Variants in DDX60L observed in about 807,000 individuals in gnomAD.
DDX60L encodes the protein DExD/H-box 60 like.
A neutral mutation model predicts 211.6 loss-of-function variants in DDX60L; 191 were observed. The observed-to-expected ratio is 0.90, with a 90% CI of 0.80 to 1.02. The LOEUF is 1.02. Ranked by LOEUF, DDX60L falls within the 50% of genes least tolerant of loss-of-function variation. The pLI is 0.00. For synonymous variants in DDX60L, 706 were observed against 694.1 expected (o/e 1.02, Z -0.27); for missense variants, 2,007 against 1,984.1 (o/e 1.01, Z -0.22).
chr4:168,404,431 C>A (rs1021314048), intron 24 of DDX60L, among the ~76,000 whole-genome samples: 7 of 152,088 alleles, frequency 4.6e-5, no homozygotes, highest in African/African-American at 1.7e-4. Context: ...AGGGTTTCTC[C>A]AGTTATTATA....
At chr4:168,371,051 A>G (rs1193141597) in intron 36 of DDX60L, among the ~76,000 whole-genome samples, 4 of 138,594 alleles carry the variant, frequency 2.9e-5, no homozygotes, top group African/African-American at 1.1e-4. Flanking sequence ...TGGGAAAAAA[A>G]TAAATATTAA....
At chr4:168,431,718 T>G (rs1752385849) in intron 12 of DDX60L, among the ~76,000 whole-genome samples, 1 of 151,686 alleles carries the variant, frequency 6.6e-6, no homozygotes, top group African/African-American at 2.4e-5. Context: ...TAAAATAAAA[T>G]AAAAAGAAAA....
rs78150696 is a variant in DDX60L, at chr4:168,362,291, A to G, written c.4929-1080T>C. On this transcript the variant is annotated intron_variant, in intron 36 of 37. Transcript: ENST00000682922. The stretch of plus-strand genomic sequence containing the variant: ...CACACAGCCAGCAGTCCCACTACAC[A>G]TGCACTTGGCCCAATATCCAGTTCA... 1.6e-4 allele frequency among the ~76,000 whole-genome samples: 24 copies of G among 152,246 alleles called. No individual in the cohort carries two copies. The East Asian group carries it at 4.4e-3, about 28-fold the overall frequency.
intron 7 of DDX60L, among the ~76,000 whole-genome samples, chr4:168,455,006 C>T (rs907557641): frequency 1.3e-5 from 2 of 151,658 alleles, no homozygotes; most frequent in Admixed American, 1.3e-4. Flanking sequence ...GGGTAGATAT[C>T]ATGTCTATTT....
At position 168,378,430 on chromosome 4, in the gene DDX60L, A is replaced by T. The variant is rs1156641262; in HGVS notation, c.4409T>A (p.Val1470Glu). 1.3e-6 allele frequency: 2 copies of T among 1,576,114 alleles called. No homozygotes were observed. The highest frequency in any genetic ancestry group is 2.7e-5 in the African/African-American group (2 of 74,148). ...TTTTCTTCCAAACAAATTTGCCAAT[A>T]CTAACACGAGCTTTTCCATCACATC... ...SQDVMEKLVL[V>E]LANLFGRKYI... The change falls in exon 33 of 38, where the codon GTA (valine) becomes GAA (glutamate). Residue 1470 changes from valine (V) to glutamate (E), a missense_variant. Coordinates refer to ENST00000682922, the MANE Select transcript of DDX60L (RefSeq NM_001012967.3).
chr4:168,366,892 C>T (rs566348634), intron 36 of DDX60L, among the ~76,000 whole-genome samples: 5 of 151,610 alleles, frequency 3.3e-5, no homozygotes, highest in African/African-American at 7.3e-5. Flanking sequence ...AGAACACACA[C>T]GAGGGAAAAG....
chr4:168,394,653 G>A (rs1324387733), intron 27 of DDX60L, 36 bp from the exon 28 acceptor site: 3 of 1,548,716 alleles, frequency 1.9e-6, no homozygotes, highest in East Asian at 2.3e-5. Context: ...AATTGATGAT[G>A]TATTTTATTT....
At position 168,448,028 on chromosome 4, in the gene DDX60L, TA is replaced by T. The variant is rs879442178; in HGVS notation, c.1138+609del. ...ATGTACCCTAAAACTTAAAGTATAATAAAAAAAAAAGGAGTTTACAGAATAT... is the reference window on the plus strand; with the variant it reads ...ATGTACCCTAAAACTTAAAGTATAATAAAAAAAAAGGAGTTTACAGAATAT... On this transcript the variant is annotated intron_variant, in intron 9 of 37. Transcript: ENST00000682922. Among the ~76,000 whole-genome samples the T allele has an allele frequency of 8.7e-3, 1,262 of 145,814 alleles. 20 individuals are homozygous for T. Among genetic ancestry groups the T allele is most frequent in the African/African-American group, 0.021 (849 of 39,872 alleles).
chr4:168,403,743 T>G (rs528502636), intron 25 of DDX60L, among the ~76,000 whole-genome samples: 17 of 152,240 alleles, frequency 1.1e-4, no homozygotes, highest in African/African-American at 3.8e-4. Context: ...GAAAACCTTT[T>G]TAAAAATCAA....
chr4:168,420,786 C>T (rs565885157), intron 17 of DDX60L, among the ~76,000 whole-genome samples: 1 of 152,112 alleles, frequency 6.6e-6, no homozygotes, highest in South Asian at 2.1e-4. Flanking sequence ...CCAGGTAAAC[C>T]ACCATTGCTC....
At chr4:168,414,447 AC>A (rs1163029385) in intron 22 of DDX60L, among the ~76,000 whole-genome samples, 1 of 152,148 alleles carries the variant, frequency 6.6e-6, no homozygotes, top group Non-Finnish European at 1.5e-5. Flanking sequence ...AATAGAAACA[AC>A]AAAAAGTCAA....
At chr4:168,396,153 T>G (rs1394805899) in intron 26 of DDX60L, 29 bp from the exon 27 acceptor site, 1 of 1,210,366 alleles carries the variant, frequency 8.3e-7, no homozygotes, top group Non-Finnish European at 1.1e-6. Context: ...AAAAAACTTT[T>G]AAGTAATGAA....
chr4:168,479,152 A>C (rs1371394298), intron 1 of DDX60L, among the ~76,000 whole-genome samples: 2 of 141,850 alleles, frequency 1.4e-5, no homozygotes, highest in Non-Finnish European at 3.2e-5. Flanking sequence ...GGATGGATGG[A>C]TGGATGGATG....
chr4:168,457,949 C>A lies in DDX60L; in HGVS notation c.666G>T (p.Arg222Ser), dbSNP rs753932957. The A allele has an allele frequency of 6.4e-7, 1 of 1,572,160 alleles. No homozygotes were observed. The highest frequency in any genetic ancestry group is 1.2e-5 in the South Asian group (1 of 85,390). The stretch of plus-strand genomic sequence containing the variant: ...CAAAATGAGTTGCTAATACTAAAAC[C>A]CTTATTTCTTCCAAGTGTTGTATGA... ...KSLIQHLEEI[R>S]VLVLATHFEH... The change falls in exon 6 of 38, where the codon AGG becomes AGT. Residue 222 changes from arginine to serine, a missense_variant. Arg to Ser is a moderately radical substitution (Grantham distance 110). Coordinates refer to ENST00000682922, the MANE Select transcript of DDX60L (RefSeq NM_001012967.3).
At chr4:168,468,105 T>C in intron 4 of DDX60L, among the ~76,000 whole-genome samples, 1 of 152,062 alleles carries the variant, frequency 6.6e-6, no homozygotes, top group East Asian at 1.9e-4. Context: ...AGGCAAAGGT[T>C]GCAGTGAGCC....
At chr4:168,432,852 T>C (rs942058611) in intron 11 of DDX60L, among the ~76,000 whole-genome samples, 158 bp downstream of exon 11, 4 of 150,784 alleles carry the variant, frequency 2.7e-5, no homozygotes, top group Non-Finnish European at 5.9e-5. Context: ...AATATTGACA[T>C]ACTAGATGTT....
At position 168,441,472 on chromosome 4, in the gene DDX60L, C is replaced by A. The variant is rs533432548; in HGVS notation, c.1159G>T (p.Asp387Tyr). Residue 387 changes from aspartate to tyrosine, a missense_variant, in exon 10 of 38, where the codon GAT becomes TAT. Asp to Tyr is a radical substitution (Grantham distance 160). Coordinates refer to ENST00000682922, the MANE Select transcript of DDX60L (RefSeq NM_001012967.3). ...TCTTCATAATCCCTCCTAATGGAAT[C>A]TCCCAAATTCAAATGTGGTTCTGCA... ...STQEPHLNLG[D>Y]SIRRDYEDLW... 2 of 1,599,678 alleles carry A rather than the reference C, an allele frequency of 1.3e-6. No individual in the cohort carries two copies. Among genetic ancestry groups the A allele is most frequent in the Non-Finnish European group, 1.7e-6 (2 of 1,174,154 alleles).
intron 10 of DDX60L, among the ~76,000 whole-genome samples, chr4:168,436,820 G>A (rs1753099907): frequency 6.6e-6 from 1 of 152,168 alleles, no homozygotes; most frequent in African/African-American, 2.4e-5. Flanking sequence ...ACACAACAAT[G>A]ATTCCATTGA....
intron 1 of DDX60L, among the ~76,000 whole-genome samples, chr4:168,474,674 T>C (rs962122340): frequency 1.3e-4 from 20 of 151,698 alleles, no homozygotes; most frequent in Non-Finnish European, 2.5e-4. Flanking sequence ...TAAAACAGAA[T>C]CCCAAGTTAA....
Sources: allele counts gnomAD v4.1 joint callset (sites outside exome capture counted in the v4.1 genomes callset), GRCh38; gene constraint gnomAD v4.1.1; transcripts MANE v1.5; gene names NCBI Gene and HGNC (gene_info 2026-07-23, HGNC 2026-07-21).